Variants in PIR observed in about 807,000 individuals in gnomAD.
PIR encodes the protein pirin (iron-binding nuclear protein).
A neutral mutation model predicts 24.2 loss-of-function variants in PIR; 22 were observed. The ratio of observed to expected loss-of-function variants is 0.91; its 90% confidence interval spans 0.65 to 1.30. PIR has a LOEUF of 1.30. Ranked by LOEUF, PIR falls within the 50% of genes most tolerant of loss-of-function variation. The probability of loss-of-function intolerance (pLI) is 0.00; values close to 1 mark genes in which losing one functional copy is unlikely to be tolerated. For synonymous variants in PIR, 80 were observed against 79.6 expected, an observed-to-expected ratio of 1.00 and a Z score of -0.03; for missense variants, 220 against 220.3, an observed-to-expected ratio of 1.00 and a Z score of 0.01.
chrX:15,391,708 C>T (rs1357011200), intron 8 of PIR, among the ~76,000 whole-genome samples: 2 of 111,315 alleles, frequency 1.8e-5, no homozygotes, highest in African/African-American at 6.5e-5. Flanking sequence ...GACAATGTGG[C>T]GGTTAGTTGT....
Position 15,384,828 on chromosome X carries a change from T to C in PIR, c.*176A>G. 3.2e-6 allele frequency: 1 copy of C among 312,681 alleles called. No individual in the cohort carries two copies. The highest frequency in any genetic ancestry group is 5.6e-6 in the Non-Finnish European group (1 of 178,173). 25.8% of individuals were successfully genotyped at this position (312,681 alleles called of 1,213,427 possible). A position where few individuals can be genotyped will look rare whatever the true frequency, so the allele number is the denominator to read the frequency against. ...TAAAGAAACAATGATTAGGTTTATT[T>C]GCATGTGCCAGGAAATATCCTACAT... On this transcript the variant is annotated 3_prime_UTR_variant, in exon 10 of 10. Transcript: ENST00000380420.
chrX:15,395,979 C>A (rs1924120831), intron 8 of PIR, among the ~76,000 whole-genome samples: 2 of 111,618 alleles, frequency 1.8e-5, no homozygotes, highest in South Asian at 3.8e-4. Context: ...TCTTCTGACT[C>A]CCTTCATCAC....
intron 6 of PIR, among the ~76,000 whole-genome samples, chrX:15,414,131 T>C (rs1050464352): frequency 8.9e-6 from 1 of 112,419 alleles, no homozygotes; most frequent in Admixed American, 9.4e-5. Context: ...ACCCTGCTGA[T>C]TATTTTCTTG....
intron 5 of PIR, among the ~76,000 whole-genome samples, chrX:15,450,450 A>G (rs1353355915): frequency 2.7e-5 from 3 of 110,879 alleles, no homozygotes; most frequent in African/African-American, 9.9e-5. Flanking sequence ...GTGCGCGTAT[A>G]TGTTACCTGT....
chrX:15,484,361 T>C (rs1376495904), intron 2 of PIR, among the ~76,000 whole-genome samples: 1 of 99,110 alleles, frequency 1.0e-5, no homozygotes, highest in East Asian at 3.5e-4. Flanking sequence ...GTTGCCTGTG[T>C]TGGAGTGCGA....
At chrX:15,385,837 C>T (rs1384190706) in intron 9 of PIR, among the ~76,000 whole-genome samples, 2 of 112,107 alleles carry the variant, frequency 1.8e-5, no homozygotes, top group Non-Finnish European at 3.8e-5. Context: ...CAAAAACATG[C>T]AGTGGGCAGA....
intron 2 of PIR, among the ~76,000 whole-genome samples, chrX:15,490,916 A>T (rs1032969994): frequency 2.7e-5 from 3 of 112,359 alleles, no homozygotes; most frequent in African/African-American, 6.5e-5. Flanking sequence ...ACCAGTGTGC[A>T]GAGAGAAGCA....
chrX:15,384,921 T>G lies in PIR; in HGVS notation c.*83A>C. 3 of 489,530 alleles carry G rather than the reference T, an allele frequency of 6.1e-6. No homozygotes were observed. The South Asian group carries it at 1.0e-4, about 17-fold the overall frequency. The allele number at this position is 489,530 out of a possible 1,213,427, so 40.3% of individuals were successfully genotyped here. ...TTTAGAAGCACCGGCTAAATAAGCT[T>G]TAGAAATGGAATGCCTTCAATGGCT... On this transcript the variant is annotated 3_prime_UTR_variant, in exon 10 of 10. Coordinates refer to ENST00000380420, the MANE Select transcript of PIR (RefSeq NM_001018109.3).
chrX:15,470,600 C>CTTTTTTTTTTTTTTTTT (rs1185040119), intron 3 of PIR, among the ~76,000 whole-genome samples: 1 of 45,106 alleles, frequency 2.2e-5, no homozygotes, highest in African/African-American at 7.1e-5. Flanking sequence ...TTCTTTCTTT[C>CTTTTTTTTTTTTTTTTT]TTTTTTTTTT....
At chrX:15,399,996 C>T (rs992429256) in intron 7 of PIR, among the ~76,000 whole-genome samples, 38 of 111,310 alleles carry the variant, frequency 3.4e-4, no homozygotes, top group African/African-American at 1.1e-3. Flanking sequence ...ACCTGATTCC[C>T]GTAGTGTGTG....
At chrX:15,466,596 T>C (rs1921610260) in intron 3 of PIR, among the ~76,000 whole-genome samples, 1 of 112,058 alleles carries the variant, frequency 8.9e-6, no homozygotes, top group Admixed American at 9.4e-5. Context: ...ATGTACAGCA[T>C]AGACCTGGGA....
At chrX:15,447,915 C>A (rs751573239) in intron 5 of PIR, among the ~76,000 whole-genome samples, 19 of 111,655 alleles carry the variant, frequency 1.7e-4, no homozygotes, top group Non-Finnish European at 3.0e-4. Context: ...GTCTAAATTT[C>A]CCTGCTAAGT....
intron 6 of PIR, among the ~76,000 whole-genome samples, chrX:15,424,657 A>G (rs12556223): frequency 0.069 from 7,663 of 111,768 alleles, 539 homozygotes; most frequent in East Asian, 0.47. Context: ...AAATTGTCAC[A>G]TGTGCCCTGA....
intron 9 of PIR, among the ~76,000 whole-genome samples, chrX:15,387,155 G>A (rs1393048015): frequency 1.1e-5 from 1 of 94,257 alleles, no homozygotes; most frequent in Non-Finnish European, 2.0e-5. Context: ...GTGGTGAGTG[G>A]TGCGATCTTG....
At position 15,458,600 on chromosome X, in the gene PIR, T is replaced by C. The variant is rs139010192; in HGVS notation, c.273+1057A>G. The stretch of plus-strand genomic sequence containing the variant: ...GCTGCAGTGAATAGTGAATGCACCA[T>C]TGCACTACAGCCTGAGCAAGAGAGT... On this transcript the variant is annotated intron_variant, in intron 4 of 9. Transcript: ENST00000380420. Among the ~76,000 whole-genome samples the C allele has an allele frequency of 8.2e-3, 916 of 112,092 alleles. 8 individuals are homozygous for C. Among genetic ancestry groups the C allele is most frequent in the African/African-American group, 0.027 (820 of 30,789 alleles).
At chrX:15,397,731 G>A (rs1210664410) in intron 7 of PIR, among the ~76,000 whole-genome samples, 200 bp from the exon 8 acceptor site, 1 of 93,453 alleles carries the variant, frequency 1.1e-5, no homozygotes, top group African/African-American at 3.6e-5. Context: ...TTTTGAAAAA[G>A]GACAAGGAGA....
intron 6 of PIR, among the ~76,000 whole-genome samples, chrX:15,410,364 A>C (rs1019968191): frequency 2.0e-4 from 23 of 112,334 alleles, no homozygotes; most frequent in Admixed American, 5.6e-4. Context: ...CTTGGGAAAA[A>C]CTGCATGCAT....
At chrX:15,420,382 A>G (rs996683073) in intron 6 of PIR, among the ~76,000 whole-genome samples, 1 of 111,732 alleles carries the variant, frequency 8.9e-6, no homozygotes, top group African/African-American at 3.3e-5. Context: ...TGAACCATAC[A>G]CTTCCTGCTA....
At chrX:15,462,835 C>A (rs1483365128) in intron 3 of PIR, among the ~76,000 whole-genome samples, 1 of 111,875 alleles carries the variant, frequency 8.9e-6, no homozygotes, top group Non-Finnish European at 1.9e-5. Flanking sequence ...AAGGTAAGTG[C>A]ACCAACAACA....
Sources: allele counts gnomAD v4.1 joint callset (sites outside exome capture counted in the v4.1 genomes callset), GRCh38; gene constraint gnomAD v4.1.1; transcripts MANE v1.5; gene names NCBI Gene and HGNC (gene_info 2026-07-23, HGNC 2026-07-21).